The following ANGPT2 variants were observed in gnomAD, a reference collection of about 807,000 sequenced individuals.
The protein encoded by ANGPT2 is angiopoietin-2.
ANGPT2 carries 28 observed loss-of-function variants against 62.9 expected under a neutral mutation model. That is an observed-to-expected ratio of 0.44 (90% CI 0.33 to 0.61). The LOEUF (loss-of-function observed/expected upper bound fraction) is 0.61. Among genes scored for constraint, ANGPT2 ranks in the 20% least tolerant of loss-of-function variants. The pLI is 0.03. For missense variants in ANGPT2, 727 were observed against 594.9 expected (o/e 1.22, Z -2.31); for synonymous variants, 284 against 207.8 (o/e 1.37, Z -3.15).
intron 3 of ANGPT2, among the ~76,000 whole-genome samples, chr8:6,525,824 A>G (rs762433389): frequency 5.3e-5 from 8 of 152,238 alleles, no homozygotes; most frequent in Admixed American, 2.0e-4. Flanking sequence ...GCTGATGAGA[A>G]AAAGCTTATT....
At chr8:6,516,441 T>A (rs967944243) in intron 5 of ANGPT2, among the ~76,000 whole-genome samples, 1 of 152,222 alleles carries the variant, frequency 6.6e-6, no homozygotes, top group Non-Finnish European at 1.5e-5. Flanking sequence ...ATTCCTGTTA[T>A]GTTTTTTTTC....
chr8:6,540,433 G>T (rs1821333247), intron 1 of ANGPT2, among the ~76,000 whole-genome samples: 1 of 152,178 alleles, frequency 6.6e-6, no homozygotes, highest in Non-Finnish European at 1.5e-5. Flanking sequence ...ATATGCAAAA[G>T]GTGTCACATT....
chr8:6,502,127 C>G lies in ANGPT2; in HGVS notation c.*974G>C, dbSNP rs1812311347. 6.6e-6 allele frequency: 1 copy of G among 152,034 alleles called. No individual in the cohort carries two copies. The highest frequency in any genetic ancestry group is 1.5e-5 in the Non-Finnish European group (1 of 67,996). 9.4% of individuals were successfully genotyped at this position (152,034 alleles called of 1,614,324 possible). A position where few individuals can be genotyped will look rare whatever the true frequency, so the allele number is the denominator to read the frequency against. On this transcript the variant is annotated 3_prime_UTR_variant, in exon 9 of 9. Coordinates refer to ENST00000629816, the MANE Select transcript of ANGPT2 (RefSeq NM_001118887.2). ...TCTTACTAGGAAAGAAAACAGACCT[C>G]TGTTTTAGAATAGTGAGAAGATAGT...
intron 2 of ANGPT2, among the ~76,000 whole-genome samples, chr8:6,530,999 C>CTT (rs112687351): frequency 2.0e-5 from 3 of 151,852 alleles, no homozygotes; most frequent in Admixed American, 6.6e-5. Context: ...TAAATCTGCT[C>CTT]TTTTTTTAAA....
chr8:6,559,503 AAAAC>A (rs764180596), intron 1 of ANGPT2, among the ~76,000 whole-genome samples: 24 of 152,298 alleles, frequency 1.6e-4, no homozygotes, highest in South Asian at 8.3e-4. Flanking sequence ...TGTTGTTTAA[AAAAC>A]AAACAAACAA....
intron 1 of ANGPT2, among the ~76,000 whole-genome samples, chr8:6,557,518 C>G (rs190576889): frequency 1.3e-5 from 2 of 152,172 alleles, no homozygotes; most frequent in East Asian, 3.9e-4. Flanking sequence ...TTGTTAGGTT[C>G]CTTCAAGCCA....
At chr8:6,546,868 A>G (rs1239247371) in intron 1 of ANGPT2, among the ~76,000 whole-genome samples, 3 of 152,170 alleles carry the variant, frequency 2.0e-5, no homozygotes, top group Non-Finnish European at 4.4e-5. Context: ...GAACTAATAA[A>G]TTGTGTAAGA....
chr8:6,522,063 A>C lies in ANGPT2; in HGVS notation c.567-653T>G, dbSNP rs56405992. Reference sequence around the variant, plus strand: ...GTGTGAGGAACAAATGGGTTTTAAAATGTAAATGCTGGCCGGGCGCAGTGG... The same window carrying C: ...GTGTGAGGAACAAATGGGTTTTAAACTGTAAATGCTGGCCGGGCGCAGTGG... On this transcript the variant is annotated intron_variant, in intron 3 of 8. Coordinates refer to ENST00000629816, the MANE Select transcript of ANGPT2 (RefSeq NM_001118887.2). Among the ~76,000 whole-genome samples the C allele has an allele frequency of 7.9e-5, 12 of 152,214 alleles. No individual in the cohort carries two copies. The South Asian group carries it at 2.5e-3, about 32-fold the overall frequency.
intron 4 of ANGPT2, among the ~76,000 whole-genome samples, chr8:6,520,264 T>C (rs564436688): frequency 6.6e-6 from 1 of 152,254 alleles, no homozygotes; most frequent in African/African-American, 2.4e-5. Context: ...ATCAATTACA[T>C]GTAATGAAAG....
intron 2 of ANGPT2, among the ~76,000 whole-genome samples, chr8:6,528,081 C>T (rs540487837): frequency 1.5e-4 from 23 of 151,972 alleles, no homozygotes; most frequent in African/African-American, 5.3e-4. Context: ...ATTTTTGGTA[C>T]AGATGGGGTT....
At chr8:6,561,338 C>G (rs1762217621) in intron 1 of ANGPT2, among the ~76,000 whole-genome samples, 1 of 152,202 alleles carries the variant, frequency 6.6e-6, no homozygotes, top group Non-Finnish European at 1.5e-5. Context: ...AATGACTCCT[C>G]TTGACACAGT....
rs774737058 is a variant in ANGPT2 at position 6,519,870 on chromosome 8, C to G, written c.921G>C (p.Glu307Asp). The G allele has an allele frequency of 5.0e-6, 8 of 1,613,836 alleles. No individual in the cohort carries two copies. In the South Asian group the frequency reaches 6.6e-5, roughly 13 times the overall value. The change falls in exon 5 of 9, where the codon GAG becomes GAC. Residue 307 changes from glutamate to aspartate, a missense_variant. Physicochemically the swap from Glu to Asp is conservative, Grantham distance 45. Transcript: ENST00000629816. Reference sequence around the variant, plus strand: ...GGGGAGACGAATACCTCACCTTGATCTCTTCTGTAGAATTAGGGAATGTTA... The same window carrying G: ...GGGGAGACGAATACCTCACCTTGATGTCTTCTGTAGAATTAGGGAATGTTA... ...YTLTFPNSTE[E>D]IKAYCDMEAG...
In ANGPT2 at chr8:6,555,019, G is replaced by C. The variant is rs567120360; in HGVS notation, c.288+7628C>G. Among the ~76,000 whole-genome samples, 7 of 152,294 alleles carry C rather than the reference G, an allele frequency of 4.6e-5. No individual in the cohort carries two copies. The East Asian group carries it at 1.3e-3, about 29-fold the overall frequency. ...TAGAGTCCAGGCAGTGGTAGGCAGA[G>C]TTCCTTCCCCTTTTTTTTAAACCAC... On this transcript the variant is annotated intron_variant, in intron 1 of 8. Coordinates refer to ENST00000629816, the MANE Select transcript of ANGPT2 (RefSeq NM_001118887.2).
chr8:6,525,231 A>C (rs1264825871), intron 3 of ANGPT2, among the ~76,000 whole-genome samples: 1 of 152,190 alleles, frequency 6.6e-6, no homozygotes, highest in African/African-American at 2.4e-5. Context: ...TAGCTCTTAA[A>C]TGTATTCCAG....
At chr8:6,509,275 C>T (rs78223039) in intron 7 of ANGPT2, among the ~76,000 whole-genome samples, 1,790 of 152,302 alleles carry the variant, frequency 0.012, 15 homozygotes, top group Non-Finnish European at 0.02. Context: ...TTTCATGAAA[C>T]CTTCAACACA....
At chr8:6,526,232 C>A (rs1156865699) in intron 3 of ANGPT2, among the ~76,000 whole-genome samples, 1 of 118,742 alleles carries the variant, frequency 8.4e-6, no homozygotes, top group Non-Finnish European at 1.7e-5. Context: ...CCAGCCTGGG[C>A]AATATGGCAA....
At chr8:6,541,076 G>A (rs2959819) in intron 1 of ANGPT2, among the ~76,000 whole-genome samples, 33,082 of 152,222 alleles carry the variant, frequency 0.22, 4,177 homozygotes, top group African/African-American at 0.35. Context: ...TGGAGCCAAC[G>A]TCCCTAGGCA....
In ANGPT2 at chr8:6,513,697, T is replaced by C; in HGVS notation, c.1177A>G (p.Ser393Gly). Reference sequence around the variant, plus strand: ...ACTTACCTATAATTGAGTTCTTCACTTGAGAGATAGAAATGTTCATACAAT... The same window carrying C: ...ACTTACCTATAATTGAGTTCTTCACCTGAGAGATAGAAATGTTCATACAAT... Reference protein sequence around the residue: ...YSLYEHFYLSSEELNYRIHLK... With the variant: ...YSLYEHFYLSGEELNYRIHLK... Residue 393 changes from serine (S) to glycine (G), a missense_variant, in exon 7 of 9, where the codon AGT becomes GGT. Transcript: ENST00000629816. The C allele has an allele frequency of 5.6e-6, 9 of 1,611,626 alleles. No individual in the cohort carries two copies. The highest frequency in any genetic ancestry group is 7.6e-6 in the Non-Finnish European group (9 of 1,179,390).
In ANGPT2 at chr8:6,562,977, C is replaced by G. The variant is rs375792658; in HGVS notation, c.-43G>C. 1 of 1,546,280 alleles carries G rather than the reference C, an allele frequency of 6.5e-7. No homozygotes were observed. Among genetic ancestry groups the G allele is most frequent in the African/African-American group, 1.4e-5 (1 of 73,838 alleles). On this transcript the variant is annotated 5_prime_UTR_variant, in exon 1 of 9. Transcript: ENST00000629816. The stretch of plus-strand genomic sequence containing the variant: ...ACCAGCAGCTTAGCAAACTTGAGGG[C>G]AAACACACGTCCAGAGTCCCGAGCT...
Sources: allele counts gnomAD v4.1 joint callset (sites outside exome capture counted in the v4.1 genomes callset), GRCh38; gene constraint gnomAD v4.1.1; transcripts MANE v1.5; gene names NCBI Gene and HGNC (gene_info 2026-07-23, HGNC 2026-07-21).